INPP4B: variants seen among roughly 807,000 people sequenced by gnomAD.
INPP4B encodes the protein inositol polyphosphate 4-phosphatase type II.
INPP4B carries 55 observed loss-of-function variants against 122.5 expected under a neutral mutation model. The ratio of observed to expected loss-of-function variants is 0.45; its 90% CI spans 0.36 to 0.56. INPP4B has a LOEUF of 0.56. Ranked by LOEUF, INPP4B falls within the 20% of genes least tolerant of loss-of-function variation. The pLI is 0.00. For synonymous variants in INPP4B, 403 were observed against 388.7 expected (o/e 1.04, Z -0.43); for missense variants, 1,000 against 1,097.7 (o/e 0.91, Z 1.26).
At chr4:142,041,976 A>G (rs1747895427) in intron 25 of INPP4B, among the ~76,000 whole-genome samples, 1 of 152,138 alleles carries the variant, frequency 6.6e-6, no homozygotes, top group South Asian at 2.1e-4. Flanking sequence ...ATCACAGGAA[A>G]TGACACTCAC....
At chr4:142,656,397 C>T (rs1212588648) in intron 2 of INPP4B, among the ~76,000 whole-genome samples, 1 of 152,274 alleles carries the variant, frequency 6.6e-6, no homozygotes, top group Non-Finnish European at 1.5e-5. Flanking sequence ...GGACACAAAA[C>T]CTCTCACTGT....
chr4:142,305,659 T>C (rs1424003115), intron 8 of INPP4B, 122 bp from the exon 9 acceptor site: 1 of 1,488,414 alleles, frequency 6.7e-7, no homozygotes, highest in African/African-American at 1.4e-5. Flanking sequence ...GCCTGACAAA[T>C]ATTTCAGTAA....
At chr4:142,072,157 A>G (rs1046503714) in intron 25 of INPP4B, among the ~76,000 whole-genome samples, 2 of 152,202 alleles carry the variant, frequency 1.3e-5, no homozygotes, top group African/African-American at 2.4e-5. Flanking sequence ...CTATGCAGCC[A>G]TAAAAAGGAT....
chr4:142,716,847 G>A (rs1763838235), intron 2 of INPP4B, among the ~76,000 whole-genome samples: 1 of 152,116 alleles, frequency 6.6e-6, no homozygotes, highest in Admixed American at 6.5e-5. Flanking sequence ...TGTCAGTTCT[G>A]AACCTTGGGC....
intron 2 of INPP4B, among the ~76,000 whole-genome samples, chr4:142,663,577 T>C (rs1755558732): frequency 1.3e-5 from 2 of 152,126 alleles, no homozygotes; most frequent in African/African-American, 4.8e-5. Context: ...ACAGGTTTTC[T>C]TCAATATAAG....
At chr4:142,363,417 T>G (rs1786230517) in intron 7 of INPP4B, among the ~76,000 whole-genome samples, 1 of 151,960 alleles carries the variant, frequency 6.6e-6, no homozygotes, top group Non-Finnish European at 1.5e-5. Context: ...GCTATATTAT[T>G]GTTACATGTG....
chr4:142,386,350 G>C (rs1795959249), intron 7 of INPP4B, among the ~76,000 whole-genome samples: 1 of 152,050 alleles, frequency 6.6e-6, no homozygotes, highest in Non-Finnish European at 1.5e-5. Flanking sequence ...AATGAGCATG[G>C]GAGTACAGAT....
At chr4:142,123,526 A>T (rs1398443488) in intron 19 of INPP4B, 111 bp from the exon 20 acceptor site, 3 of 985,208 alleles carry the variant, frequency 3.0e-6, no homozygotes, top group Non-Finnish European at 4.4e-6. Context: ...AGGTATGTAT[A>T]ACAAAACTAC....
chr4:142,604,466 T>C (rs186407744), intron 2 of INPP4B, among the ~76,000 whole-genome samples: 1 of 152,196 alleles, frequency 6.6e-6, no homozygotes, highest in African/African-American at 2.4e-5. Flanking sequence ...TGATCTTATA[T>C]TTAGAAAAAC....
At chr4:142,307,034 C>A (rs1763647082) in intron 8 of INPP4B, among the ~76,000 whole-genome samples, 1 of 152,044 alleles carries the variant, frequency 6.6e-6, no homozygotes, top group Non-Finnish European at 1.5e-5. Flanking sequence ...AATCTGAGAC[C>A]AAATTATTAG....
At chr4:142,036,438 T>G (rs1221726810) in intron 25 of INPP4B, among the ~76,000 whole-genome samples, 2 of 152,132 alleles carry the variant, frequency 1.3e-5, no homozygotes, top group Admixed American at 6.5e-5. Context: ...GAAATACACT[T>G]TCTCAGTGGA....
intron 18 of INPP4B, among the ~76,000 whole-genome samples, chr4:142,130,706 A>G (rs1800828154): frequency 6.6e-6 from 1 of 152,208 alleles, no homozygotes; most frequent in Non-Finnish European, 1.5e-5. Context: ...AAATGTAATC[A>G]GTGTAATGTC....
At chr4:142,079,391 G>T (rs565464030) in intron 25 of INPP4B, among the ~76,000 whole-genome samples, 18 of 152,014 alleles carry the variant, frequency 1.2e-4, no homozygotes, top group African/African-American at 4.1e-4. Context: ...CTGTCTGAAG[G>T]GTGGGACTTG....
At chr4:142,031,656 T>A (rs1740227615) in intron 25 of INPP4B, among the ~76,000 whole-genome samples, 1 of 152,202 alleles carries the variant, frequency 6.6e-6, no homozygotes, top group Admixed American at 6.5e-5. Context: ...GTAACTTGGT[T>A]ACTATTCAAC....
In INPP4B at chr4:142,068,402, G is replaced by C. The variant is rs540466280; in HGVS notation, c.2642+13629C>G. On this transcript the variant is annotated intron_variant, in intron 25 of 25. Coordinates refer to ENST00000262992, the MANE Select transcript of INPP4B (RefSeq NM_001101669.3). ...ATGCCAAATTGTAAAGACCATCAAG[G>C]CTAGGAAGAAACTGCATCAACTAAC... Among the ~76,000 whole-genome samples the C allele has an allele frequency of 2.6e-4, 40 of 152,222 alleles. 1 individual carries two copies. The highest frequency in any genetic ancestry group is 8.2e-4 in the African/African-American group (34 of 41,546).
chr4:142,077,916 C>T (rs1467074492), intron 25 of INPP4B, among the ~76,000 whole-genome samples: 1 of 151,190 alleles, frequency 6.6e-6, no homozygotes, highest in Non-Finnish European at 1.5e-5. Flanking sequence ...ATCATGGTTC[C>T]CCCCTAGAAA....
intron 2 of INPP4B, among the ~76,000 whole-genome samples, chr4:142,545,717 A>G (rs1289902796): frequency 2.4e-5 from 3 of 125,072 alleles, no homozygotes; most frequent in Non-Finnish European, 4.9e-5. Context: ...ATGTGTGTGT[A>G]TATGTGTGTA....
At chr4:142,479,691 A>T (rs561559308) in intron 2 of INPP4B, among the ~76,000 whole-genome samples, 167 of 152,264 alleles carry the variant, frequency 1.1e-3, no homozygotes, top group Non-Finnish European at 2.1e-3. Flanking sequence ...TCATAATCCT[A>T]AGCGAACTAA....
At chr4:142,106,635 G>A (rs1215416574) in intron 23 of INPP4B, among the ~76,000 whole-genome samples, 1 of 152,098 alleles carries the variant, frequency 6.6e-6, no homozygotes, top group Non-Finnish European at 1.5e-5. Context: ...CACAGACTTT[G>A]CCAACAATCT....
Sources: gnomAD v4.1 joint callset for allele counts (sites outside exome capture counted in the v4.1 genomes callset) on GRCh38, gnomAD v4.1.1 for gene constraint, MANE v1.5 for transcripts, NCBI Gene and HGNC (gene_info 2026-07-23, HGNC 2026-07-21) for gene names.